Variants in VAV2 observed in about 807,000 individuals in gnomAD.
VAV2 encodes the protein guanine nucleotide exchange factor VAV2.
In VAV2, 67 loss-of-function variants were observed where a neutral mutation model predicts 132.5. The observed-to-expected ratio is 0.51, with a 90% CI of 0.42 to 0.62. The LOEUF is 0.62. VAV2 is among the 20% of genes least tolerant of loss of function. The pLI, the probability that VAV2 is intolerant of heterozygous loss-of-function variation, is 0.00. For synonymous variants in VAV2, 492 were observed against 443.5 expected (o/e 1.11, Z -1.37); for missense variants, 938 against 1,153.6 (o/e 0.81, Z 2.71).
Position 133,788,251 on chromosome 9 carries a change from G to A in VAV2, c.1407+103C>T. Reference sequence around the variant, plus strand: ...ACCCCAACCCACCCGGCCAGCATCAGCGGCTGACTTCGAGTCCCCTTCCCC... The same window carrying A: ...ACCCCAACCCACCCGGCCAGCATCAACGGCTGACTTCGAGTCCCCTTCCCC... On this transcript the variant is annotated intron_variant, in intron 15 of 29. Transcript: ENST00000371850. The surrounding 1 kb of genome is among the most constrained non-coding windows in gnomAD (Gnocchi z 5.3). The A allele has an allele frequency of 1.3e-5, 7 of 544,454 alleles. No homozygotes were observed. The highest frequency in any genetic ancestry group is 2.3e-5 in the Non-Finnish European group (7 of 304,338). The allele number at this position is 544,454 out of a possible 1,614,324, so 33.7% of individuals were successfully genotyped here.
Position 133,863,115 on chromosome 9 carries a change from T to G in VAV2, c.322-1683A>C, listed in dbSNP as rs1197379417. Among the ~76,000 whole-genome samples, 1 of 152,002 alleles carries G rather than the reference T, an allele frequency of 6.6e-6. No individual in the cohort carries two copies. Among genetic ancestry groups the G allele is most frequent in the Non-Finnish European group, 1.5e-5 (1 of 67,992 alleles). ...AGTAATGAGGAACTTGGCTCTGGAG[T>G]GTTTTTGGCTTTTAAGAGCTCTAAG... is the stretch of plus-strand genomic sequence containing the variant. On this transcript the variant is annotated intron_variant, in intron 2 of 29. Coordinates refer to ENST00000371850, the MANE Select transcript of VAV2 (RefSeq NM_001134398.2). The surrounding 1 kb of genome is among the most constrained non-coding windows in gnomAD (Gnocchi z 5.0).
chr9:133,936,635 G>A (rs546241628), intron 2 of VAV2, among the ~76,000 whole-genome samples: 12 of 152,278 alleles, frequency 7.9e-5, no homozygotes, highest in Middle Eastern at 3.4e-3. Flanking sequence ...TTAAGCGACC[G>A]GTGGGGGGCG....
intron 2 of VAV2, among the ~76,000 whole-genome samples, chr9:133,920,028 G>A (rs1462195802): frequency 6.6e-6 from 1 of 152,140 alleles, no homozygotes; most frequent in African/African-American, 2.4e-5. Context: ...CCTGGGCGTG[G>A]GCCCCAGTGT....
At chr9:133,772,529 C>A (rs1833666205) in intron 25 of VAV2, among the ~76,000 whole-genome samples, 1 of 152,000 alleles carries the variant, frequency 6.6e-6, no homozygotes, top group Admixed American at 6.6e-5. Flanking sequence ...CAGACACTAA[C>A]CTCCTTCTGT....
chr9:133,934,696 C>T (rs1260555982), intron 2 of VAV2, among the ~76,000 whole-genome samples: 1 of 152,208 alleles, frequency 6.6e-6, no homozygotes, highest in Admixed American at 6.5e-5. Flanking sequence ...ACCATTGCTT[C>T]CCTGGTTCTG....
intron 1 of VAV2, among the ~76,000 whole-genome samples, chr9:133,968,661 A>AC (rs1842226729): frequency 6.6e-6 from 1 of 151,988 alleles, no homozygotes; most frequent in African/African-American, 2.4e-5. Context: ...CCACACACTG[A>AC]CCCATCACAG....
At chr9:133,853,015 T>A (rs1588270150) in intron 3 of VAV2, among the ~76,000 whole-genome samples, 1 of 152,160 alleles carries the variant, frequency 6.6e-6, no homozygotes, top group East Asian at 1.9e-4. Context: ...ACACACAAGA[T>A]GCCATAGTCA....
At chr9:133,846,300 C>T (rs1564401105) in intron 3 of VAV2, among the ~76,000 whole-genome samples, 2 of 152,162 alleles carry the variant, frequency 1.3e-5, no homozygotes, top group African/African-American at 4.8e-5. Context: ...GGTGTCACCC[C>T]TGGCACCTCC....
intron 4 of VAV2, among the ~76,000 whole-genome samples, chr9:133,818,934 G>A (rs982271579): frequency 5.9e-5 from 9 of 152,076 alleles, no homozygotes; most frequent in East Asian, 2.0e-4. Flanking sequence ...TCCTGGAGAC[G>A]GGGTTTCACC....
rs201880771 is a variant in VAV2 at position 133,809,013 on chromosome 9, T to C, written c.666+27A>G. The stretch of plus-strand genomic sequence containing the variant: ...CAGTGACCACAGTGGCCGCTGCCAT[T>C]TTCCAGTGGCCGCCATCTGCCCTCA... On this transcript the variant is annotated intron_variant, in intron 7 of 29. Transcript: ENST00000371850. The C allele has an allele frequency of 8.3e-4, 1,326 of 1,606,208 alleles. 2 individuals carry two copies. Among genetic ancestry groups the C allele is most frequent in the Middle Eastern group, 1.7e-3 (10 of 6,024 alleles).
chr9:133,826,601 A>G lies in VAV2; in HGVS notation c.449+7671T>C, dbSNP rs1275014570. On this transcript the variant is annotated intron_variant, in intron 4 of 29. Transcript: ENST00000371850. The surrounding 1 kb of genome is among the most constrained non-coding windows in gnomAD (Gnocchi z 4.2). The stretch of plus-strand genomic sequence containing the variant: ...TTTACCAGCTGGCTGTCAGACATCT[A>G]GCAGCACACTCTGGGAAGAGGCTCC... Among the ~76,000 whole-genome samples the G allele has an allele frequency of 1.3e-5, 2 of 152,150 alleles. No individual in the cohort carries two copies. Among genetic ancestry groups the G allele is most frequent in the Non-Finnish European group, 2.9e-5 (2 of 68,012 alleles).
rs762780563 is a variant in VAV2 at position 133,770,544 on chromosome 9, G to A, written c.2224-43C>T. The A allele has an allele frequency of 2.0e-5, 32 of 1,606,602 alleles. No individual in the cohort carries two copies. The South Asian group carries it at 2.8e-4, about 14-fold the overall frequency. On this transcript the variant is annotated intron_variant, in intron 26 of 29. Transcript: ENST00000371850. The stretch of plus-strand genomic sequence containing the variant: ...TCACTGACAGCTGCTGCCACCTCCA[G>A]GAAGTCCTCCCCCAGTGACCTGGCC...
chr9:133,891,734 G>A (rs1428510759), intron 2 of VAV2, among the ~76,000 whole-genome samples: 2 of 62,242 alleles, frequency 3.2e-5, no homozygotes, highest in South Asian at 1.6e-3. Context: ...GGGATGGAGA[G>A]GAGGCATGGA....
chr9:133,824,569 G>C lies in VAV2; in HGVS notation c.449+9703C>G, dbSNP rs1835912284. ...TCTTCAAAATGAACACCTCCTCCAG[G>C]AAGGCTTCCTGCCCTCCTGGCTTGT... On this transcript the variant is annotated intron_variant, in intron 4 of 29. Coordinates refer to ENST00000371850, the MANE Select transcript of VAV2 (RefSeq NM_001134398.2). The surrounding 1 kb of genome is among the most constrained non-coding windows in gnomAD (Gnocchi z 5.2). Among the ~76,000 whole-genome samples, 1 of 152,132 alleles carries C rather than the reference G, an allele frequency of 6.6e-6. No homozygotes were observed. The highest frequency in any genetic ancestry group is 2.4e-5 in the African/African-American group (1 of 41,418).
chr9:133,815,135 T>A (rs1438708370), intron 4 of VAV2, among the ~76,000 whole-genome samples: 2 of 151,998 alleles, frequency 1.3e-5, no homozygotes, highest in Non-Finnish European at 2.9e-5. Flanking sequence ...ACTCGAAGGA[T>A]GCTTTGAAGC....
chr9:133,925,003 G>A (rs1429064102), intron 2 of VAV2, among the ~76,000 whole-genome samples: 1 of 152,226 alleles, frequency 6.6e-6, no homozygotes, highest in East Asian at 1.9e-4. Flanking sequence ...TATATGAAAT[G>A]TCCAGAACAG....
At position 133,768,616 on chromosome 9, in the gene VAV2, G is replaced by A. The variant is rs762380133; in HGVS notation, c.2435-20C>T. The stretch of plus-strand genomic sequence containing the variant: ...TGAACACTGTTGAGGGAGATGGGCA[G>A]CATCACACAGCTGCAGGAGGAGCCC... On this transcript the variant is annotated intron_variant, in intron 28 of 29. Coordinates refer to ENST00000371850, the MANE Select transcript of VAV2 (RefSeq NM_001134398.2). The surrounding 1 kb of genome is among the most constrained non-coding windows in gnomAD (Gnocchi z 5.3). 2.2e-5 allele frequency: 35 copies of A among 1,609,844 alleles called. No individual in the cohort carries two copies. Among genetic ancestry groups the A allele is most frequent in the African/African-American group, 4.0e-5 (3 of 74,840 alleles).
chr9:133,806,430 G>T (rs1835147359), intron 8 of VAV2, among the ~76,000 whole-genome samples: 1 of 152,210 alleles, frequency 6.6e-6, no homozygotes, highest in Admixed American at 6.5e-5. Flanking sequence ...CAGCCCATCA[G>T]ACACGCAGCG....
chr9:133,839,508 T>C (rs375607526), intron 3 of VAV2, among the ~76,000 whole-genome samples: 49 of 149,654 alleles, frequency 3.3e-4, no homozygotes, highest in African/African-American at 1.1e-3. Context: ...TGGAGTGCAA[T>C]GGCATGATCT....
Sources: allele counts gnomAD v4.1 joint callset (sites outside exome capture counted in the v4.1 genomes callset), GRCh38; gene constraint gnomAD v4.1.1; non-coding constraint Gnocchi (gnomAD v3.1); transcripts MANE v1.5; gene names NCBI Gene and HGNC (gene_info 2026-07-23, HGNC 2026-07-21).